The following AP3B1 variants were observed in gnomAD, a reference collection of about 807,000 sequenced individuals.
The protein encoded by AP3B1 is adaptor related protein complex 3 subunit beta 1, also known as AP-3 complex subunit beta-1.
In AP3B1, 61 loss-of-function variants were observed where a neutral mutation model predicts 132.5. That is an observed-to-expected ratio of 0.46 (90% CI 0.37 to 0.57). The LOEUF is 0.57. Among genes scored for constraint, AP3B1 ranks in the 20% least tolerant of loss-of-function variants. The pLI, the probability that AP3B1 is intolerant of heterozygous loss-of-function variation, is 0.00. For missense variants in AP3B1, 1,120 were observed against 1,289.4 expected (o/e 0.87, Z 2.01); for synonymous variants, 388 against 438.3 (o/e 0.89, Z 1.43).
chr5:78,254,196 C>T (rs1372816813), intron 2 of AP3B1, among the ~76,000 whole-genome samples: 1 of 151,866 alleles, frequency 6.6e-6, no homozygotes, highest in African/African-American at 2.4e-5. Flanking sequence ...AAGAATGAAG[C>T]ATGCCTAAAA....
At chr5:78,178,014 A>G (rs1368411789) in intron 8 of AP3B1, among the ~76,000 whole-genome samples, 1 of 151,512 alleles carries the variant, frequency 6.6e-6, no homozygotes, top group Non-Finnish European at 1.5e-5. Context: ...ACATCCTCAG[A>G]AAAAAAAAGA....
At chr5:78,155,162 G>A (rs1318347888) in intron 14 of AP3B1, among the ~76,000 whole-genome samples, 1 of 152,212 alleles carries the variant, frequency 6.6e-6, no homozygotes, top group Non-Finnish European at 1.5e-5. Context: ...GGTTCTTGCA[G>A]ACTGGTAGAG....
intron 15 of AP3B1, among the ~76,000 whole-genome samples, chr5:78,134,749 G>T (rs573520888): frequency 5.7e-4 from 86 of 152,206 alleles, no homozygotes; most frequent in African/African-American, 2.0e-3. Flanking sequence ...AACCACGTTG[G>T]TCAGGCTGGT....
chr5:78,098,304 TAAA>T (rs57213410), intron 21 of AP3B1, among the ~76,000 whole-genome samples: 2 of 144,426 alleles, frequency 1.4e-5, no homozygotes, highest in Non-Finnish European at 3.1e-5. Flanking sequence ...AAATAAAAAA[TAAA>T]AAAAAAAAGC....
chr5:78,262,495 C>T (rs1199540904), intron 2 of AP3B1, among the ~76,000 whole-genome samples: 1 of 152,094 alleles, frequency 6.6e-6, no homozygotes, highest in Non-Finnish European at 1.5e-5. Flanking sequence ...CTGTCCTTTC[C>T]CAATTGATTG....
intron 14 of AP3B1, among the ~76,000 whole-genome samples, chr5:78,151,556 A>G (rs373553938): frequency 2.0e-5 from 3 of 152,168 alleles, no homozygotes. Context: ...GAGGGTTTTT[A>G]TCAGGAAAGG....
In AP3B1 at chr5:78,228,132, T is replaced by A; in HGVS notation, c.375+12A>T. Reference sequence around the variant, plus strand: ...ACCTTGTAGCTATTTGCCTACTCACTCCATTATTTACCTTCAGAGCTCGCT... The same window carrying A: ...ACCTTGTAGCTATTTGCCTACTCACACCATTATTTACCTTCAGAGCTCGCT... On this transcript the variant is annotated intron_variant, in intron 4 of 26. Transcript: ENST00000255194. 2 of 1,580,752 alleles carry A rather than the reference T, an allele frequency of 1.3e-6. No individual in the cohort carries two copies. Among genetic ancestry groups the A allele is most frequent in the South Asian group, 2.3e-5 (2 of 87,072 alleles).
At chr5:78,096,157 C>T (rs1376104987) in intron 21 of AP3B1, among the ~76,000 whole-genome samples, 3 of 152,332 alleles carry the variant, frequency 2.0e-5, no homozygotes, top group South Asian at 2.1e-4. Context: ...ATGGCAGGCG[C>T]GCGCCGCCAT....
intron 6 of AP3B1, among the ~76,000 whole-genome samples, chr5:78,216,726 G>C (rs1049564124): frequency 1.3e-5 from 2 of 152,020 alleles, no homozygotes; most frequent in Admixed American, 1.3e-4. Context: ...TTTAATAGAA[G>C]AACACTTTCA....
chr5:78,270,075 G>C (rs548609686), intron 1 of AP3B1, among the ~76,000 whole-genome samples: 1 of 151,918 alleles, frequency 6.6e-6, no homozygotes, highest in Admixed American at 6.6e-5. Context: ...ACCACACCCA[G>C]CTAATTTTGT....
At chr5:78,253,937 G>A (rs1274725922) in intron 2 of AP3B1, among the ~76,000 whole-genome samples, 3 of 140,194 alleles carry the variant, frequency 2.1e-5, no homozygotes, top group Admixed American at 7.4e-5. Context: ...CAGCCTGGGC[G>A]ACAGAGCAAG....
chr5:78,131,889 T>C lies in AP3B1; in HGVS notation c.1651-2582A>G, dbSNP rs145416200. Among the ~76,000 whole-genome samples the C allele has an allele frequency of 2.1e-3, 319 of 152,266 alleles. 1 individual carries two copies. Among genetic ancestry groups the C allele is most frequent in the African/African-American group, 7.1e-3 (297 of 41,588 alleles). On this transcript the variant is annotated intron_variant, in intron 15 of 26. Coordinates refer to ENST00000255194, the MANE Select transcript of AP3B1 (RefSeq NM_003664.5). Reference sequence around the variant, plus strand: ...TTTTTGGCATTTACTAGTGACACTTTAAATAATCCAAACAATTTGTGAACC... The same window carrying C: ...TTTTTGGCATTTACTAGTGACACTTCAAATAATCCAAACAATTTGTGAACC...
intron 7 of AP3B1, among the ~76,000 whole-genome samples, chr5:78,210,141 TTG>T (rs536140474): frequency 3.7e-4 from 57 of 152,322 alleles, no homozygotes; most frequent in African/African-American, 1.3e-3. Flanking sequence ...TCTCAGTATT[TTG>T]TTTTTTTAAT....
intron 2 of AP3B1, among the ~76,000 whole-genome samples, chr5:78,266,685 G>A (rs1748335868): frequency 1.3e-5 from 2 of 152,082 alleles, no homozygotes; most frequent in Admixed American, 1.3e-4. Context: ...AATCAGCAAT[G>A]GTGGTGATAA....
chr5:78,122,631 A>G (rs1297927229), intron 17 of AP3B1, among the ~76,000 whole-genome samples: 2 of 152,188 alleles, frequency 1.3e-5, no homozygotes, highest in African/African-American at 4.8e-5. Context: ...TAGGAATCCA[A>G]CTTACAAGGG....
rs544749426 is a variant in AP3B1, at chr5:78,294,650, C to T, written c.-71G>A. ...CTCCAAAAGGTTCCAGTCCAGAGGG[C>T]ACGGAACAAAACTAGTTCTCGTACG... On this transcript the variant is annotated 5_prime_UTR_variant, in exon 1 of 27. Transcript: ENST00000255194. The T allele has an allele frequency of 2.9e-5, 46 of 1,608,578 alleles. No individual in the cohort carries two copies. The highest frequency in any genetic ancestry group is 2.3e-4 in the African/African-American group (17 of 75,052).
At chr5:78,268,108 TAA>T (rs894213678) in intron 1 of AP3B1, among the ~76,000 whole-genome samples, 5 of 152,170 alleles carry the variant, frequency 3.3e-5, no homozygotes, top group African/African-American at 1.2e-4. Flanking sequence ...TGAAAATATT[TAA>T]ACAGTAGAGG....
rs538554325 is a variant in AP3B1, at chr5:78,151,528, C to T, written c.1473+4730G>A. On this transcript the variant is annotated intron_variant, in intron 14 of 26. Coordinates refer to ENST00000255194, the MANE Select transcript of AP3B1 (RefSeq NM_003664.5). Reference sequence around the variant, plus strand: ...GGCTTTTATTATATTGAGGTATGTTCCTTCTATCCCCAGTTTTGAGGGTTT... The same window carrying T: ...GGCTTTTATTATATTGAGGTATGTTTCTTCTATCCCCAGTTTTGAGGGTTT... Among the ~76,000 whole-genome samples, 3 of 152,198 alleles carry T rather than the reference C, an allele frequency of 2.0e-5. No homozygotes were observed. In the South Asian group the frequency reaches 6.2e-4, roughly 32 times the overall value.
intron 20 of AP3B1, among the ~76,000 whole-genome samples, chr5:78,108,099 T>C (rs1751419301): frequency 6.6e-6 from 1 of 152,112 alleles, no homozygotes; most frequent in South Asian, 2.1e-4. Flanking sequence ...TCAAGGTAAC[T>C]CCTAGGTCGC....
Sources: gnomAD v4.1 joint callset for allele counts (sites outside exome capture counted in the v4.1 genomes callset) on GRCh38, gnomAD v4.1.1 for gene constraint, MANE v1.5 for transcripts, NCBI Gene and HGNC (gene_info 2026-07-23, HGNC 2026-07-21) for gene names.